Variants in ZNF577 observed in about 807,000 individuals in gnomAD.
The protein encoded by ZNF577 is zinc finger protein 577.
Under a neutral mutation model 13.9 loss-of-function variants are expected in ZNF577, and 14 were observed. That is an observed-to-expected ratio of 1.00 (90% confidence interval 0.66 to 1.57). The LOEUF (loss-of-function observed/expected upper bound fraction) is 1.57. Ranked by LOEUF, ZNF577 falls within the 40% of genes most tolerant of loss-of-function variation. The pLI, the probability that ZNF577 is intolerant of heterozygous loss-of-function variation, is 0.00. For synonymous variants in ZNF577, 203 were observed against 202.9 expected, an observed-to-expected ratio of 1.00 and a Z score of 0.00; for missense variants, 555 against 579.2, an observed-to-expected ratio of 0.96 and a Z score of 0.43.
At chr19:51,857,228 G>A (rs2084432556) in intron 5 of ZNF577, among the ~76,000 whole-genome samples, 1 of 151,940 alleles carries the variant, frequency 6.6e-6, no homozygotes, top group Non-Finnish European at 1.5e-5. Context: ...GAACCCGGGA[G>A]GCGGAGGCTG....
intron 10 of ZNF577, among the ~76,000 whole-genome samples, chr19:51,806,571 G>A (rs745789960): frequency 8.5e-5 from 13 of 152,202 alleles, no homozygotes; most frequent in Admixed American, 2.0e-4. Context: ...AATGTTTGAT[G>A]TGCCCATTCT....
At chr19:51,858,398 C>T (rs1374689795) in intron 5 of ZNF577, among the ~76,000 whole-genome samples, 1 of 152,084 alleles carries the variant, frequency 6.6e-6, no homozygotes, top group East Asian at 1.9e-4. Context: ...CCTCATGCAC[C>T]AGGGTGAATA....
At chr19:51,873,840 C>T in intron 5 of ZNF577, 134 bp from the exon 6 acceptor site, 2 of 791,668 alleles carry the variant, frequency 2.5e-6, no homozygotes, top group East Asian at 2.8e-5. Flanking sequence ...AATGTTTAAG[C>T]TCATTTTGGT....
intron 9 of ZNF577, among the ~76,000 whole-genome samples, chr19:51,820,467 A>G (rs1444349420): frequency 6.6e-6 from 1 of 152,220 alleles, no homozygotes; most frequent in Non-Finnish European, 1.5e-5. Context: ...TACAGGTATC[A>G]TCTCTGGTCC....
Position 51,837,127 on chromosome 19 carries a change from G to T in ZNF577, c.*599+2766C>A, listed in dbSNP as rs138452456. On this transcript the variant is annotated intron_variant and NMD_transcript_variant, in intron 9 of 10. Coordinates refer to the ZNF577 transcript ENST00000638827. ...ACAGACTTTATTCCAGCAAAAGGCT[G>T]CAAACTACAGAAACACAATCTTTGT... Among the ~76,000 whole-genome samples the T allele has an allele frequency of 5.1e-3, 780 of 152,010 alleles. 10 individuals are homozygous for T. The highest frequency in any genetic ancestry group is 0.017 in the Middle Eastern group (5 of 294).
chr19:51,874,586 A>T (rs1326958241), intron 5 of ZNF577, among the ~76,000 whole-genome samples: 1 of 152,212 alleles, frequency 6.6e-6, no homozygotes, highest in African/African-American at 2.4e-5. Context: ...AGGATTAAAA[A>T]CATGAAGATT....
intron 10 of ZNF577, among the ~76,000 whole-genome samples, chr19:51,810,320 G>C (rs2045524911): frequency 6.6e-6 from 1 of 152,188 alleles, no homozygotes; most frequent in African/African-American, 2.4e-5. Flanking sequence ...ATCCTCAAAA[G>C]CTAGAGTTAA....
chr19:51,837,270 G>C (rs542081769), intron 9 of ZNF577, among the ~76,000 whole-genome samples: 1 of 152,188 alleles, frequency 6.6e-6, no homozygotes, highest in Non-Finnish European at 1.5e-5. Flanking sequence ...CCAAGAAAGA[G>C]TGAAACTTAC....
At position 51,860,875 on chromosome 19, in the gene ZNF577, AG is replaced by A. The variant is rs1240404765; in HGVS notation, c.284-15945del. On this transcript the variant is annotated intron_variant and NMD_transcript_variant, in intron 5 of 10. Coordinates refer to the ZNF577 transcript ENST00000638827. ...TCTCTCGTAAACAAGATATTCAAAG[AG>A]TTTTGACTTTCAGATTTTAATTTTT... is the stretch of plus-strand genomic sequence containing the variant. 1.0e-5 allele frequency: 4 copies of A among 386,738 alleles called. No individual in the cohort carries two copies. In the Admixed American group the frequency reaches 1.6e-4, roughly 16 times the overall value. 24.0% of individuals were successfully genotyped at this position (386,738 alleles called of 1,614,324 possible). A position where few individuals can be genotyped will look rare whatever the true frequency, so the allele number is the denominator to read the frequency against.
At chr19:51,885,092 T>C (rs1295830522) in intron 1 of ZNF577, among the ~76,000 whole-genome samples, 1 of 152,218 alleles carries the variant, frequency 6.6e-6, no homozygotes, top group East Asian at 1.9e-4. Context: ...AGGAAAATTA[T>C]TGAGTGCAGT....
chr19:51,821,413 G>A (rs2084188365), intron 9 of ZNF577, among the ~76,000 whole-genome samples: 1 of 152,144 alleles, frequency 6.6e-6, no homozygotes, highest in Non-Finnish European at 1.5e-5. Context: ...GTTGCTACTA[G>A]CATCGGTGGA....
At chr19:51,818,503 GAACA>G (rs2084161520) in intron 9 of ZNF577, among the ~76,000 whole-genome samples, 2 of 152,182 alleles carry the variant, frequency 1.3e-5, no homozygotes, top group African/African-American at 4.8e-5. Context: ...GAAAATAAAT[GAACA>G]AACAAATAAG....
chr19:51,823,608 G>C, intron 9 of ZNF577: 1 of 709,788 alleles, frequency 1.4e-6, no homozygotes, highest in Non-Finnish European at 2.3e-6. Flanking sequence ...CCAATTTTAT[G>C]TTATAACCAT....
chr19:51,857,408 AAGAAAG>A (rs1380509329), intron 5 of ZNF577, among the ~76,000 whole-genome samples: 1 of 124,870 alleles, frequency 8.0e-6, no homozygotes, highest in Non-Finnish European at 1.6e-5. Context: ...GAAAGAAAGA[AAGAAAG>A]AAAGAAAGAA....
chr19:51,885,644 T>G (rs948887232), intron 1 of ZNF577, among the ~76,000 whole-genome samples: 1 of 152,154 alleles, frequency 6.6e-6, no homozygotes, highest in East Asian at 1.9e-4. Flanking sequence ...CCTGAGTAGC[T>G]GGGATTACAG....
rs2084597052 is a variant in ZNF577 at position 51,868,280 on chromosome 19, C to T, written c.*4252G>A. On this transcript the variant is annotated 3_prime_UTR_variant, in exon 6 of 6. Coordinates refer to ENST00000638348, the MANE Select transcript of ZNF577 (RefSeq NM_001370449.1). ...GTTGTTAATAGGCCAGTTCCGGACACTCCATAGGACACAGACACCTACACA... is the reference window on the plus strand; with the variant it reads ...GTTGTTAATAGGCCAGTTCCGGACATTCCATAGGACACAGACACCTACACA... Among the ~76,000 whole-genome samples the T allele has an allele frequency of 6.6e-6, 1 of 152,098 alleles. No homozygotes were observed. Among genetic ancestry groups the T allele is most frequent in the Non-Finnish European group, 1.5e-5 (1 of 68,010 alleles).
In ZNF577 at chr19:51,871,126, CAG is replaced by C. The variant is rs1050746574; in HGVS notation, c.*1404_*1405del. On this transcript the variant is annotated 3_prime_UTR_variant, in exon 6 of 6. Coordinates refer to ENST00000638348, the MANE Select transcript of ZNF577 (RefSeq NM_001370449.1). ...TTTCTTTTCCCCCCTTTTTTAGAGT[CAG>C]AGTCTTATTCTGTCACCCACGCTGT... Among the ~76,000 whole-genome samples the C allele has an allele frequency of 1.3e-5, 2 of 151,962 alleles. No homozygotes were observed. Among genetic ancestry groups the C allele is most frequent in the Non-Finnish European group, 2.9e-5 (2 of 67,978 alleles).
chr19:51,824,960 C>T lies in ZNF577; in HGVS notation c.*600-13286G>A. 1 of 661,046 alleles carries T rather than the reference C, an allele frequency of 1.5e-6. No individual in the cohort carries two copies. The highest frequency in any genetic ancestry group is 2.6e-6 in the Non-Finnish European group (1 of 382,202). 40.9% of individuals were successfully genotyped at this position (661,046 alleles called of 1,614,324 possible). ...TGTACCAAATCTGTAGGGGGTTTTT[C>T]CCACAACCAAGCAATAGACACCAGC... On this transcript the variant is annotated intron_variant and NMD_transcript_variant, in intron 9 of 10. Transcript: ENST00000638827. The surrounding 1 kb of genome is among the most constrained non-coding windows in gnomAD (Gnocchi z 4.7).
intron 4 of ZNF577, 53 bp from the exon 5 acceptor site, chr19:51,877,430 AAGATGG>A (rs1424745927): frequency 3.7e-5 from 53 of 1,427,790 alleles, no homozygotes; most frequent in Non-Finnish European, 4.9e-5. Context: ...GGAATGGATG[AAGATGG>A]AGAGGGTTAT....
Sources: gnomAD v4.1 joint callset for allele counts (sites outside exome capture counted in the v4.1 genomes callset) on GRCh38, gnomAD v4.1.1 for gene constraint, Gnocchi (gnomAD v3.1) non-coding constraint, MANE v1.5 for transcripts, NCBI Gene and HGNC (gene_info 2026-07-23, HGNC 2026-07-21) for gene names.